The following KIF5A variants were observed in gnomAD, a reference collection of about 807,000 sequenced individuals.
KIF5A encodes kinesin family member 5A.
In KIF5A, 35 loss-of-function variants were observed where a neutral mutation model predicts 141.3. The observed-to-expected ratio is 0.25, with a 90% CI of 0.19 to 0.33. The LOEUF (loss-of-function observed/expected upper bound fraction) is 0.33. Among genes scored for constraint, KIF5A ranks in the 10% least tolerant of loss-of-function variants. The pLI is 1.00. For missense variants in KIF5A, 861 were observed against 1,314.3 expected, an observed-to-expected ratio of 0.66 and a Z score of 5.33; for synonymous variants, 448 against 500.2, an observed-to-expected ratio of 0.90 and a Z score of 1.39.
chr12:57,576,972 A>C, intron 20 of KIF5A, 110 bp downstream of exon 20: 1 of 786,252 alleles, frequency 1.3e-6, no homozygotes, highest in Non-Finnish European at 2.2e-6. Context: ...AGGGTGACTC[A>C]TGGGAAAAAT....
intron 18 of KIF5A, 26 bp downstream of exon 18, chr12:57,576,177 A>G (rs1882418389): frequency 6.2e-7 from 1 of 1,612,930 alleles, no homozygotes; most frequent in Non-Finnish European, 8.5e-7. Flanking sequence ...GTCAGGGACA[A>G]TTGGGGCCTG....
At chr12:57,553,136 C>T (rs1284225850) in intron 1 of KIF5A, among the ~76,000 whole-genome samples, 1 of 152,022 alleles carries the variant, frequency 6.6e-6, no homozygotes, top group African/African-American at 2.4e-5. Flanking sequence ...TTCGCCAGAC[C>T]CATTTAAGTG....
At chr12:57,574,558 C>T (rs1882362116) in intron 15 of KIF5A, among the ~76,000 whole-genome samples, 1 of 145,360 alleles carries the variant, frequency 6.9e-6, no homozygotes, top group Non-Finnish European at 1.5e-5. Context: ...AGGCGTGAGC[C>T]ACCGAGCCCG....
rs1274268392 is a variant in KIF5A at position 57,585,749 on chromosome 12, T to C, written c.*1568T>C. 1 of 152,198 alleles carries C rather than the reference T, an allele frequency of 6.6e-6. No homozygotes were observed. Among genetic ancestry groups the C allele is most frequent in the African/African-American group, 2.4e-5 (1 of 41,450 alleles). 9.4% of individuals were successfully genotyped at this position (152,198 alleles called of 1,614,324 possible). ...TCAAGGAAAAGAGGCCCTGCTCCCTTTACCTGCTGAGCTCCTTTTAGCAGT... is the reference window on the plus strand; with the variant it reads ...TCAAGGAAAAGAGGCCCTGCTCCCTCTACCTGCTGAGCTCCTTTTAGCAGT... On this transcript the variant is annotated 3_prime_UTR_variant, in exon 29 of 29. Transcript: ENST00000455537.
rs1178701905 is a variant in KIF5A at position 57,586,296 on chromosome 12, G to C, written c.*2115G>C. 2 of 152,222 alleles carry C rather than the reference G, an allele frequency of 1.3e-5. No homozygotes were observed. The highest frequency in any genetic ancestry group is 4.8e-5 in the African/African-American group (2 of 41,442). 9.4% of individuals were successfully genotyped at this position (152,222 alleles called of 1,614,324 possible). On this transcript the variant is annotated 3_prime_UTR_variant, in exon 29 of 29. Transcript: ENST00000455537. ...AAAACACATAAGGAAATGTGAGGGT[G>C]TAGCGCAGATGAGGAGAGAGATGAC...
intron 1 of KIF5A, among the ~76,000 whole-genome samples, chr12:57,558,723 A>T (rs1245772275): frequency 1.3e-5 from 2 of 152,134 alleles, no homozygotes; most frequent in African/African-American, 4.8e-5. Context: ...AACAAAACAG[A>T]GTCTTGGACA....
intron 23 of KIF5A, among the ~76,000 whole-genome samples, chr12:57,579,990 T>A (rs1311886418): frequency 6.6e-6 from 1 of 152,120 alleles, no homozygotes; most frequent in Non-Finnish European, 1.5e-5. Context: ...GAAAAGGAGA[T>A]AAAAACTTCT....
rs535850140 is a variant in KIF5A, at chr12:57,550,159, C to G, written c.-113C>G. The G allele has an allele frequency of 1.0e-5, 15 of 1,486,970 alleles. No individual in the cohort carries two copies. Among genetic ancestry groups the G allele is most frequent in the Non-Finnish European group, 1.4e-5 (15 of 1,076,200 alleles). 92.1% of individuals were successfully genotyped at this position (1,486,970 alleles called of 1,614,324 possible). On this transcript the variant is annotated 5_prime_UTR_variant, in exon 1 of 29. Transcript: ENST00000455537. The surrounding 1 kb of genome is among the most constrained non-coding windows in gnomAD (Gnocchi z 4.6). ...CGCCCGGGCGCCCTCAACTCTGTCC[C>G]CAGAGACTGAGCACCTGTCCTCCGC...
intron 28 of KIF5A, among the ~76,000 whole-genome samples, chr12:57,583,419 C>G (rs931283102): frequency 6.6e-6 from 1 of 152,228 alleles, no homozygotes; most frequent in Non-Finnish European, 1.5e-5. Flanking sequence ...TCCCGTGCCC[C>G]CTTTTGCTTT....
At chr12:57,565,198 T>C (rs1882026183) in intron 6 of KIF5A, among the ~76,000 whole-genome samples, 1 of 152,046 alleles carries the variant, frequency 6.6e-6, no homozygotes, top group African/African-American at 2.4e-5. Flanking sequence ...GGTGGGTGGA[T>C]CACTTGAGGC....
intron 16 of KIF5A, 111 bp downstream of exon 16, chr12:57,575,383 G>A (rs1882389670): frequency 7.9e-7 from 1 of 1,265,692 alleles, no homozygotes; most frequent in Non-Finnish European, 1.1e-6. Flanking sequence ...CTGGGGTCAA[G>A]TGAAATCAAG....
intron 1 of KIF5A, among the ~76,000 whole-genome samples, chr12:57,560,657 T>G (rs1881879626): frequency 6.6e-6 from 1 of 152,188 alleles, no homozygotes; most frequent in Non-Finnish European, 1.5e-5. Context: ...TTGTTTCTAG[T>G]TCTTGTTCAC....
At chr12:57,565,245 C>T (rs1166195404) in intron 6 of KIF5A, among the ~76,000 whole-genome samples, 1 of 151,738 alleles carries the variant, frequency 6.6e-6, no homozygotes, top group Non-Finnish European at 1.5e-5. Flanking sequence ...TATAGTGAAA[C>T]CCCGTTTCTA....
In KIF5A at chr12:57,575,764, C is replaced by A. The variant is rs757331201; in HGVS notation, c.2023+7C>A. The A allele has an allele frequency of 1.9e-6, 3 of 1,561,114 alleles. No homozygotes were observed. Among genetic ancestry groups the A allele is most frequent in the Middle Eastern group, 1.7e-4 (1 of 5,988 alleles). On this transcript the variant is annotated splice_region_variant and intron_variant, in intron 17 of 28. Transcript: ENST00000455537. Reference sequence around the variant, plus strand: ...GCCAAGCTCCAGGCCCAGGGTGAGGCCTTCTTATACCTCCATCCCACTGTC... The same window carrying A: ...GCCAAGCTCCAGGCCCAGGGTGAGGACTTCTTATACCTCCATCCCACTGTC...
At chr12:57,553,494 A>C (rs1881640525) in intron 1 of KIF5A, among the ~76,000 whole-genome samples, 1 of 152,138 alleles carries the variant, frequency 6.6e-6, no homozygotes, top group South Asian at 2.1e-4. Flanking sequence ...GGGGAGTCTC[A>C]TAAAGAAAAA....
Position 57,569,401 on chromosome 12 carries a change from A to G in KIF5A, c.965A>G (p.Gln322Arg), listed in dbSNP as rs1882172968. ...AETKSTLMFGQRAKTIKNTAS... is the reference protein window; with the variant it reads ...AETKSTLMFGRRAKTIKNTAS... ...ACCAAGTCCACCCTGATGTTTGGGC[A>G]GCGGTCAGTGGCAGGGTCCCCAGAG... Residue 322 changes from glutamine (Q) to arginine (R), a missense_variant, in exon 10 of 29, where the codon CAG (glutamine) becomes CGG (arginine). Around this residue, in one of 5 missense-constraint regions of KIF5A, gnomAD observed 146 missense variants for 353.4 expected, o/e 0.41. Coordinates refer to ENST00000455537, the MANE Select transcript of KIF5A (RefSeq NM_004984.4). 6.2e-7 allele frequency: 1 copy of G among 1,613,950 alleles called. No homozygotes were observed. The highest frequency in any genetic ancestry group is 8.5e-7 in the Non-Finnish European group (1 of 1,180,008).
rs1366117836 is a variant in KIF5A, at chr12:57,584,430, A to C, written c.*249A>C. On this transcript the variant is annotated 3_prime_UTR_variant, in exon 29 of 29. Coordinates refer to ENST00000455537, the MANE Select transcript of KIF5A (RefSeq NM_004984.4). The stretch of plus-strand genomic sequence containing the variant: ...TCAAGTATCTACTGATGTATTTAGC[A>C]ATTTCAAAGCATAGTCTACCTTCCT... 1 of 152,598 alleles carries C rather than the reference A, an allele frequency of 6.6e-6. No individual in the cohort carries two copies. The highest frequency in any genetic ancestry group is 1.5e-5 in the Non-Finnish European group (1 of 68,034). 9.5% of individuals were successfully genotyped at this position (152,598 alleles called of 1,614,324 possible). A position where few individuals can be genotyped will look rare whatever the true frequency, so the allele number is the denominator to read the frequency against.
intron 1 of KIF5A, among the ~76,000 whole-genome samples, chr12:57,559,993 G>A (rs900441316): frequency 6.6e-6 from 1 of 152,180 alleles, no homozygotes; most frequent in Non-Finnish European, 1.5e-5. Context: ...CTGGGTTCAA[G>A]CGATTCTTGT....
Position 57,567,560 on chromosome 12 carries a change from A to C in KIF5A, c.656A>C (p.Glu219Ala), listed in dbSNP as rs1409047729. 1 of 1,613,518 alleles carries C rather than the reference A, an allele frequency of 6.2e-7. No homozygotes were observed. The highest frequency in any genetic ancestry group is 1.3e-5 in the African/African-American group (1 of 74,848). Residue 219 changes from glutamate (E) to alanine (A), a missense_variant, in exon 8 of 29, where the codon GAA becomes GCA. Transcript: ENST00000455537. The stretch of plus-strand genomic sequence containing the variant: ...ATCAACATCAAGCAGGAGAACATGG[A>C]AACGGAGCAGAAGCTCAGTGGGAAG... ...FLINIKQENMETEQKLSGKLY... is the reference protein window; with the variant it reads ...FLINIKQENMATEQKLSGKLY...
Sources: allele counts gnomAD v4.1 joint callset (sites outside exome capture counted in the v4.1 genomes callset), GRCh38; gene constraint gnomAD v4.1.1; regional missense constraint gnomAD v4.1.1; non-coding constraint Gnocchi (gnomAD v3.1); transcripts MANE v1.5; gene names NCBI Gene and HGNC (gene_info 2026-07-23, HGNC 2026-07-21).